The following ATXN2 variants were observed in gnomAD, a reference collection of about 807,000 sequenced individuals.
ATXN2 encodes ataxin-2.
Under a neutral mutation model 138.6 loss-of-function variants are expected in ATXN2, and 37 were observed. That is an observed-to-expected ratio of 0.27 (90% CI 0.21 to 0.35). The LOEUF is 0.35. Ranked by LOEUF, ATXN2 falls within the 10% of genes least tolerant of loss-of-function variation. The probability of loss-of-function intolerance (pLI) is 1.00; values close to 1 mark genes in which losing one functional copy is unlikely to be tolerated. For missense variants in ATXN2, 1,216 were observed against 1,480.3 expected (o/e 0.82, Z 2.93); for synonymous variants, 549 against 543.7 (o/e 1.01, Z -0.13).
rs1885076029 is a variant in ATXN2, at chr12:111,598,805, C to G, written c.230G>C (p.Gly77Ala). 1 of 1,401,414 alleles carries G rather than the reference C, an allele frequency of 7.1e-7. No homozygotes were observed. The highest frequency in any genetic ancestry group is 9.2e-7 in the Non-Finnish European group (1 of 1,085,648). The allele number at this position is 1,401,414 out of a possible 1,614,324, so 86.8% of individuals were successfully genotyped here. A position where few individuals can be genotyped will look rare whatever the true frequency, so the allele number is the denominator to read the frequency against. ...CCACCTGCCCAGGCCGGGCCTCCCGCCGCCGGAGGTCGCCGCGACCACCGA... is the reference window on the plus strand; with the variant it reads ...CCACCTGCCCAGGCCGGGCCTCCCGGCGCCGGAGGTCGCCGCGACCACCGA... Reference protein sequence around the residue: ...PSSVVAATSGGGRPGLGRGRN... With the variant: ...PSSVVAATSGAGRPGLGRGRN... The change falls in exon 1 of 25, where the codon GGC becomes GCC. Residue 77 changes from glycine (G) to alanine (A), a missense_variant. Gly to Ala is a moderately conservative substitution (Grantham distance 60). This residue lies in a region of ATXN2 where 401 missense variants were observed against 528.1 expected (regional missense o/e 0.76). Coordinates refer to ENST00000673436, the MANE Select transcript of ATXN2 (RefSeq NM_001372574.1). This position sits in a 1 kb window ranked among gnomAD's most constrained non-coding sequence, Gnocchi z 4.5.
intron 5 of ATXN2, among the ~76,000 whole-genome samples, chr12:111,550,611 AAATC>A (rs1260368227): frequency 6.6e-6 from 1 of 152,194 alleles, no homozygotes; most frequent in Non-Finnish European, 1.5e-5. Flanking sequence ...GACATAAACA[AAATC>A]AACTCCAAAG....
chr12:111,552,436 A>G lies in ATXN2; in HGVS notation c.421-6T>C. On this transcript the variant is annotated splice_region_variant and splice_polypyrimidine_tract_variant and intron_variant, in intron 4 of 24. Coordinates refer to ENST00000673436, the MANE Select transcript of ATXN2 (RefSeq NM_001372574.1). This position sits in a 1 kb window ranked among gnomAD's most constrained non-coding sequence, Gnocchi z 4.1. ...GCATCAAGTACCAAATCACACTAAA[A>G]TGAAAAACACAAGTAAGTACTCCAA... 1 of 1,603,842 alleles carries G rather than the reference A, an allele frequency of 6.2e-7. No individual in the cohort carries two copies. The highest frequency in any genetic ancestry group is 8.5e-7 in the Non-Finnish European group (1 of 1,177,446).
Position 111,597,894 on chromosome 12 carries a change from C to G in ATXN2, c.251+890G>C, listed in dbSNP as rs922550955. The G allele has an allele frequency of 4.7e-6, 6 of 1,287,070 alleles. No homozygotes were observed. In the Admixed American group the frequency reaches 6.9e-5, roughly 15 times the overall value. The allele number at this position is 1,287,070 out of a possible 1,614,324, so 79.7% of individuals were successfully genotyped here. ...GCCACCCCGGATCTCCAGGGTCCAGCCTGGGTCCAGCCCTCACCCACCGAT... is the reference window on the plus strand; with the variant it reads ...GCCACCCCGGATCTCCAGGGTCCAGGCTGGGTCCAGCCCTCACCCACCGAT... On this transcript the variant is annotated intron_variant, in intron 1 of 24. Transcript: ENST00000673436.
chr12:111,457,415 C>T (rs529517612), intron 21 of ATXN2, 56 bp from the exon 22 acceptor site: 19 of 1,522,264 alleles, frequency 1.2e-5, no homozygotes, highest in Middle Eastern at 1.8e-4. Context: ...ACCTCCATCG[C>T]TCCTCTACAC....
At chr12:111,510,643 G>A (rs1879453522) in intron 11 of ATXN2, 61 bp from the exon 12 acceptor site, 2 of 1,421,700 alleles carry the variant, frequency 1.4e-6, no homozygotes, top group East Asian at 2.3e-5. Flanking sequence ...TCCTAAAAGA[G>A]GCTTCAGGCT....
At chr12:111,595,498 C>G (rs1432496989) in intron 1 of ATXN2, among the ~76,000 whole-genome samples, 1 of 151,604 alleles carries the variant, frequency 6.6e-6, no homozygotes, top group Non-Finnish European at 1.5e-5. Context: ...AAAAATTAGC[C>G]AAGCGTGGTG....
chr12:111,490,099 T>C (rs1592825169), intron 14 of ATXN2, among the ~76,000 whole-genome samples: 1 of 151,170 alleles, frequency 6.6e-6, no homozygotes, highest in Non-Finnish European at 1.5e-5. Flanking sequence ...CCCAGCTACT[T>C]GGGAGGCTGA....
At chr12:111,565,080 T>C (rs1305436188) in intron 1 of ATXN2, among the ~76,000 whole-genome samples, 1 of 152,224 alleles carries the variant, frequency 6.6e-6, no homozygotes, top group African/African-American at 2.4e-5. Context: ...TGAAGTTTTA[T>C]GTACATATAA....
chr12:111,553,098 A>T (rs963571740), intron 3 of ATXN2, 121 bp from the exon 4 acceptor site: 14 of 507,098 alleles, frequency 2.8e-5, no homozygotes, highest in Non-Finnish European at 4.6e-5. Flanking sequence ...ATTCACTAAC[A>T]AAACAATAAA....
intron 1 of ATXN2, among the ~76,000 whole-genome samples, chr12:111,590,069 C>G (rs2135847812): frequency 6.6e-6 from 1 of 151,460 alleles, no homozygotes; most frequent in African/African-American, 2.4e-5. Flanking sequence ...CAAAAATTTG[C>G]CAGGTGTAGT....
chr12:111,574,346 T>C (rs1056205891), intron 1 of ATXN2, among the ~76,000 whole-genome samples: 6 of 151,130 alleles, frequency 4.0e-5, no homozygotes, highest in African/African-American at 1.2e-4. Flanking sequence ...TATGGAGACT[T>C]CTTATAGCAT....
rs745432430 is a variant in ATXN2 at position 111,452,810 on chromosome 12, C to T, written c.*2G>A. On this transcript the variant is annotated 3_prime_UTR_variant, in exon 25 of 25. Transcript: ENST00000673436. ...TGGCCTTTCGGTTCCTCCAGGGCAG[C>T]CTTACAACTGCTGTTGGTGGTGGGC... 2.5e-6 allele frequency: 4 copies of T among 1,613,924 alleles called. No individual in the cohort carries two copies. The highest frequency in any genetic ancestry group is 3.4e-6 in the Non-Finnish European group (4 of 1,179,892).
rs1874810614 is a variant in ATXN2, at chr12:111,453,306, A to C, written c.3439+371T>G. On this transcript the variant is annotated intron_variant, in intron 24 of 24. Coordinates refer to ENST00000673436, the MANE Select transcript of ATXN2 (RefSeq NM_001372574.1). The surrounding 1 kb of genome is among the most constrained non-coding windows in gnomAD (Gnocchi z 5.4). ...GTATCTTCTCCAGAGCTACAATCAA[A>C]CTCTGCCATGGTAATAACCCCCCAC... 9.4e-7 allele frequency: 1 copy of C among 1,062,832 alleles called. No homozygotes were observed. The highest frequency in any genetic ancestry group is 1.1e-6 in the Non-Finnish European group (1 of 881,094). The allele number at this position is 1,062,832 out of a possible 1,614,324, so 65.8% of individuals were successfully genotyped here. A position where few individuals can be genotyped will look rare whatever the true frequency, so the allele number is the denominator to read the frequency against.
chr12:111,503,955 A>G (rs992008520), intron 14 of ATXN2, among the ~76,000 whole-genome samples: 3 of 152,198 alleles, frequency 2.0e-5, no homozygotes, highest in African/African-American at 7.2e-5. Context: ...AGGAGTTATT[A>G]GTAAGAGGCT....
At chr12:111,465,950 G>A (rs1379783235) in intron 20 of ATXN2, among the ~76,000 whole-genome samples, 2 of 151,418 alleles carry the variant, frequency 1.3e-5, no homozygotes, top group East Asian at 3.9e-4. Flanking sequence ...TGGATCACCT[G>A]AGGTCGGGAA....
At chr12:111,513,137 G>A in intron 11 of ATXN2, 2 of 509,082 alleles carry the variant, frequency 3.9e-6, no homozygotes. Flanking sequence ...TTTACTCACT[G>A]CGAAATCTCA....
intron 1 of ATXN2, among the ~76,000 whole-genome samples, chr12:111,575,036 G>A (rs1216631072): frequency 6.6e-6 from 1 of 152,138 alleles, no homozygotes; most frequent in Non-Finnish European, 1.5e-5. Flanking sequence ...TATGCCCTGG[G>A]AGAATAAACT....
chr12:111,537,383 G>A (rs543266369), intron 5 of ATXN2, among the ~76,000 whole-genome samples: 19 of 151,854 alleles, frequency 1.3e-4, no homozygotes, highest in East Asian at 5.8e-4. Flanking sequence ...TCAGGAATTC[G>A]AGACCAGCCT....
In ATXN2 at chr12:111,574,194, G is replaced by A. The variant is rs1018000160; in HGVS notation, c.252-18275C>T. On this transcript the variant is annotated intron_variant, in intron 1 of 24. Transcript: ENST00000673436. ...GTGGTGGCGGGCACCTGTAGTCCCA[G>A]CTACTCGGGAGGTGGAGGCAGGAGA... 7.3e-5 allele frequency among the ~76,000 whole-genome samples: 11 copies of A among 150,478 alleles called. No homozygotes were observed. The East Asian group carries it at 9.9e-4, about 14-fold the overall frequency.
Sources: allele counts gnomAD v4.1 joint callset (sites outside exome capture counted in the v4.1 genomes callset), GRCh38; gene constraint gnomAD v4.1.1; regional missense constraint gnomAD v4.1.1; non-coding constraint Gnocchi (gnomAD v3.1); transcripts MANE v1.5; gene names NCBI Gene and HGNC (gene_info 2026-07-23, HGNC 2026-07-21).